The following GNPDA2 variants were observed in gnomAD, a reference collection of about 807,000 sequenced individuals.
The protein encoded by GNPDA2 is glucosamine-6-phosphate deaminase 2.
GNPDA2 carries 24 observed loss-of-function variants against 27.0 expected under a neutral mutation model. The ratio of observed to expected loss-of-function variants is 0.89; its 90% confidence interval spans 0.64 to 1.25. The LOEUF (loss-of-function observed/expected upper bound fraction) is 1.25, where lower values mean the gene tolerates loss of function less well. GNPDA2 is among the 50% of genes most tolerant of loss of function. GNPDA2 has a pLI of 0.00. For synonymous variants in GNPDA2, 94 were observed against 108.4 expected (o/e 0.87, Z 0.83); for missense variants, 286 against 335.1 (o/e 0.85, Z 1.14).
intron 4 of GNPDA2, among the ~76,000 whole-genome samples, chr4:44,715,364 TA>T (rs1180999174): frequency 6.6e-6 from 1 of 152,116 alleles, no homozygotes; most frequent in Non-Finnish European, 1.5e-5. Flanking sequence ...GTAAGGTCAA[TA>T]AATTAACAAG....
chr4:44,706,382 AT>A (rs1257751802), intron 6 of GNPDA2: 3 of 152,012 alleles, frequency 2.0e-5, no homozygotes, highest in Non-Finnish European at 4.4e-5. Flanking sequence ...GCTTCCAAAT[AT>A]TTAGTAAAAC....
Position 44,717,286 on chromosome 4 carries a change from C to T in GNPDA2, c.236G>A (p.Arg79Lys). The T allele has an allele frequency of 1.4e-6, 2 of 1,468,980 alleles. No homozygotes were observed. The highest frequency in any genetic ancestry group is 1.8e-6 in the Non-Finnish European group (2 of 1,085,800). The allele number at this position is 1,468,980 out of a possible 1,614,324, so 91.0% of individuals were successfully genotyped here. ...FNMDEYVGLP[R>K]NHPESYHSYM... is the part of the protein sequence containing the mutation. ...AGAATGGTAGCTTTCAGGATGATTT[C>T]TTGGAAGTCCTAAAGATGAAGTTAA... is the stretch of plus-strand genomic sequence containing the variant. The change falls in exon 4 of 7, where the codon AGA becomes AAA. Residue 79 changes from arginine to lysine, a missense_variant. Arg to Lys is a conservative substitution (Grantham distance 26). Coordinates refer to ENST00000295448, the MANE Select transcript of GNPDA2 (RefSeq NM_138335.3).
chr4:44,708,047 C>A, intron 5 of GNPDA2, 121 bp from the exon 6 acceptor site: 1 of 583,776 alleles, frequency 1.7e-6, no homozygotes, highest in Non-Finnish European at 2.9e-6. Context: ...ATACATAGCT[C>A]CACATAATAG....
chr4:44,702,491 C>G lies in GNPDA2; in HGVS notation c.*590G>C. The G allele has an allele frequency of 1.0e-6, 1 of 984,950 alleles. No homozygotes were observed. The allele number at this position is 984,950 out of a possible 1,614,324, so 61.0% of individuals were successfully genotyped here. On this transcript the variant is annotated 3_prime_UTR_variant, in exon 7 of 7. Coordinates refer to ENST00000295448, the MANE Select transcript of GNPDA2 (RefSeq NM_138335.3). ...CACAAAAAACATGCACTTACACATA[C>G]TTTCCAAAAGGATGTAAACTGTACT... is the stretch of plus-strand genomic sequence containing the variant.
At chr4:44,718,617 C>T (rs201219150) in intron 2 of GNPDA2, among the ~76,000 whole-genome samples, 9,174 of 151,798 alleles carry the variant, frequency 0.06, 321 homozygotes, top group East Asian at 0.15. Flanking sequence ...GGAAATCTGT[C>T]AATAAAAATT....
At position 44,704,925 on chromosome 4, in the gene GNPDA2, T is replaced by C. The variant is rs1349310890; in HGVS notation, c.770-1783A>G. On this transcript the variant is annotated intron_variant, in intron 6 of 6. Coordinates refer to ENST00000295448, the MANE Select transcript of GNPDA2 (RefSeq NM_138335.3). ...AGCTGTTCTATTTAAAAAGCAAAAA[T>C]GAAAAGCGAGAATGAATAAAACAAA... is the stretch of plus-strand genomic sequence containing the variant. 6 of 983,478 alleles carry C rather than the reference T, an allele frequency of 6.1e-6. No individual in the cohort carries two copies. In the East Asian group the frequency reaches 5.7e-4, roughly 93 times the overall value. 60.9% of individuals were successfully genotyped at this position (983,478 alleles called of 1,614,324 possible).
Position 44,704,035 on chromosome 4 carries a change from T to C in GNPDA2, c.770-893A>G, listed in dbSNP as rs893644553. 77 of 985,140 alleles carry C rather than the reference T, an allele frequency of 7.8e-5. 1 individual carries two copies. The highest frequency in any genetic ancestry group is 3.5e-5 in the African/African-American group (2 of 57,208). The allele number at this position is 985,140 out of a possible 1,614,324, so 61.0% of individuals were successfully genotyped here. Reference sequence around the variant, plus strand: ...CTGGATTGGAGAGATAGGTTGCTTGTTAGTAAACAGATGTTCCTTGTCAGA... The same window carrying C: ...CTGGATTGGAGAGATAGGTTGCTTGCTAGTAAACAGATGTTCCTTGTCAGA... On this transcript the variant is annotated intron_variant, in intron 6 of 6. Transcript: ENST00000295448.
chr4:44,722,370 T>A (rs893931768), intron 1 of GNPDA2, 128 bp from the exon 2 acceptor site: 6 of 652,792 alleles, frequency 9.2e-6, no homozygotes, highest in African/African-American at 9.2e-5. Context: ...TAAAAGTACA[T>A]TACTGAAGAA....
At position 44,708,044 on chromosome 4, in the gene GNPDA2, G is replaced by A. The variant is rs1478947893; in HGVS notation, c.595-118C>T. 8 of 602,830 alleles carry A rather than the reference G, an allele frequency of 1.3e-5. No individual in the cohort carries two copies. In the South Asian group the frequency reaches 2.2e-4, roughly 16 times the overall value. 37.3% of individuals were successfully genotyped at this position (602,830 alleles called of 1,614,324 possible). A position where few individuals can be genotyped will look rare whatever the true frequency, so the allele number is the denominator to read the frequency against. On this transcript the variant is annotated intron_variant, in intron 5 of 6. Coordinates refer to ENST00000295448, the MANE Select transcript of GNPDA2 (RefSeq NM_138335.3). ...TTTCTGAGAGAAAGAAAAATACATA[G>A]CTCCACATAATAGTTCAAGGTATTC...
At chr4:44,704,423 C>CA in intron 6 of GNPDA2, 1 of 931,676 alleles carries the variant, frequency 1.1e-6, no homozygotes, top group Non-Finnish European at 1.3e-6. Flanking sequence ...AAAGAATACA[C>CA]AGAGCTTTAA....
chr4:44,713,314 GA>G (rs1717085393), intron 4 of GNPDA2, among the ~76,000 whole-genome samples: 1 of 152,148 alleles, frequency 6.6e-6, no homozygotes, highest in Non-Finnish European at 1.5e-5. Context: ...AGTTAACGAA[GA>G]CAGCATGGTG....
intron 2 of GNPDA2, among the ~76,000 whole-genome samples, chr4:44,720,333 T>C (rs1221238788): frequency 1.3e-5 from 2 of 152,116 alleles, no homozygotes; most frequent in Non-Finnish European, 2.9e-5. Context: ...GGGATTCCAA[T>C]CTAGATAGGT....
At chr4:44,707,416 T>C (rs1716673451) in intron 6 of GNPDA2, 2 of 321,918 alleles carry the variant, frequency 6.2e-6, no homozygotes, top group Non-Finnish European at 5.6e-6. Flanking sequence ...CTAGTAAACA[T>C]GAAAAGAAAT....
At chr4:44,718,133 G>T (rs932448177) in intron 3 of GNPDA2, among the ~76,000 whole-genome samples, 176 bp downstream of exon 3, 1 of 151,510 alleles carries the variant, frequency 6.6e-6, no homozygotes, top group African/African-American at 2.4e-5. Context: ...CAAAAATACA[G>T]GTTTTTAAAT....
At chr4:44,726,086 G>A (rs1432350877) in intron 1 of GNPDA2, among the ~76,000 whole-genome samples, 1 of 152,190 alleles carries the variant, frequency 6.6e-6, no homozygotes, top group Non-Finnish European at 1.5e-5. Flanking sequence ...AGAAGGCTGT[G>A]GTTCCTGCCC....
intron 4 of GNPDA2, chr4:44,714,418 C>A (rs1717158371): frequency 1.0e-6 from 1 of 985,224 alleles, no homozygotes; most frequent in Non-Finnish European, 1.2e-6. Flanking sequence ...GTATTTCCTC[C>A]TTTTTCTTTC....
chr4:44,704,893 A>T, intron 6 of GNPDA2: 3 of 983,714 alleles, frequency 3.0e-6, no homozygotes, highest in Non-Finnish European at 3.6e-6. Context: ...CATATACTAA[A>T]AATCAAAGCT....
At chr4:44,713,602 G>A (rs889917385) in intron 4 of GNPDA2, among the ~76,000 whole-genome samples, 12 of 152,098 alleles carry the variant, frequency 7.9e-5, no homozygotes, top group South Asian at 2.1e-4. Flanking sequence ...CTATTAGGCC[G>A]GGTGCAGTGG....
At chr4:44,710,917 T>C (rs778400882) in intron 5 of GNPDA2, 36 bp downstream of exon 5, 7 of 1,458,298 alleles carry the variant, frequency 4.8e-6, no homozygotes, top group Non-Finnish European at 3.7e-6. Flanking sequence ...TATATTAACA[T>C]GAAAAGAAAG....
Sources: gnomAD v4.1 joint callset for allele counts (sites outside exome capture counted in the v4.1 genomes callset) on GRCh38, gnomAD v4.1.1 for gene constraint, MANE v1.5 for transcripts, NCBI Gene and HGNC (gene_info 2026-07-23, HGNC 2026-07-21) for gene names.